PCDHGA5: variants seen among roughly 807,000 people sequenced by gnomAD.
PCDHGA5 encodes protocadherin gamma-A5.
PCDHGA5 carries 36 observed loss-of-function variants against 56.7 expected under a neutral mutation model. The observed-to-expected ratio is 0.64, with a 90% CI of 0.49 to 0.84. The LOEUF (loss-of-function observed/expected upper bound fraction) is 0.84. Ranked by LOEUF, PCDHGA5 falls within the 40% of genes least tolerant of loss-of-function variation. The probability of loss-of-function intolerance (pLI) is 0.00; values close to 1 mark genes in which losing one functional copy is unlikely to be tolerated. For synonymous variants in PCDHGA5, 563 were observed against 520.2 expected (o/e 1.08, Z -1.12); for missense variants, 1,305 against 1,201.5 (o/e 1.09, Z -1.27).
rs1187459113 is a variant in PCDHGA5 at position 141,487,187 on chromosome 5, G to A, written c.2422-7620G>A. On this transcript the variant is annotated intron_variant, in intron 1 of 3. Coordinates refer to ENST00000518069, the MANE Select transcript of PCDHGA5 (RefSeq NM_018918.3). This position sits in a 1 kb window ranked among gnomAD's most constrained non-coding sequence, Gnocchi z 5.0. The stretch of plus-strand genomic sequence containing the variant: ...GTCCTTAGAGGAAGACACTCATCCA[G>A]TTGTCCCAGATCTTCGAGAATCTTC... 1.2e-6 allele frequency: 2 copies of A among 1,613,826 alleles called. No homozygotes were observed. Among genetic ancestry groups the A allele is most frequent in the Admixed American group, 3.3e-5 (2 of 60,024 alleles).
chr5:141,376,293 G>C lies in PCDHGA5; in HGVS notation c.2421+9542G>C, dbSNP rs189836587. 8,405 of 1,614,188 alleles carry C rather than the reference G, an allele frequency of 5.2e-3. 27 individuals carry two copies. Among genetic ancestry groups the C allele is most frequent in the Non-Finnish European group, 6.0e-3 (7,034 of 1,180,042 alleles). On this transcript the variant is annotated intron_variant, in intron 1 of 3. Transcript: ENST00000518069. ...GGAGGTGGCTTAGCGAGCATGCCCG[G>C]CTCGCACTTTGTGGGCGTGGAAGGG...
intron 1 of PCDHGA5, among the ~76,000 whole-genome samples, chr5:141,467,008 A>AT (rs1165146249): frequency 6.7e-6 from 1 of 150,270 alleles, no homozygotes; most frequent in Non-Finnish European, 1.5e-5. Context: ...TTGCAATGCA[A>AT]TTTTTTTCCC....
rs202113404 is a variant in PCDHGA5, at chr5:141,414,779, A to G, written c.2421+48028A>G. The G allele has an allele frequency of 4.2e-4, 674 of 1,614,210 alleles. No homozygotes were observed. Among genetic ancestry groups the G allele is most frequent in the Admixed American group, 6.0e-4 (36 of 60,022 alleles). On this transcript the variant is annotated intron_variant, in intron 1 of 3. Transcript: ENST00000518069. ...GAGCAGTTTCATGAGCTACAGATGCAGGTGACAGCCAGCGACAGCGGGGAT... is the reference window on the plus strand; with the variant it reads ...GAGCAGTTTCATGAGCTACAGATGCGGGTGACAGCCAGCGACAGCGGGGAT...
In PCDHGA5 at chr5:141,476,599, TC is replaced by T; in HGVS notation, c.2422-18205del. The T allele has an allele frequency of 6.2e-7, 1 of 1,614,210 alleles. No individual in the cohort carries two copies. ...GCTTTCCGCTCGAGAGCGCGCACGA[TC>T]CCGATGTGGGAAGCAACTCTTTACA... is the stretch of plus-strand genomic sequence containing the variant. On this transcript the variant is annotated intron_variant, in intron 1 of 3. Transcript: ENST00000518069. This position sits in a 1 kb window ranked among gnomAD's most constrained non-coding sequence, Gnocchi z 7.6.
intron 2 of PCDHGA5, among the ~76,000 whole-genome samples, chr5:141,499,796 C>T (rs2099794539): frequency 6.6e-6 from 1 of 150,412 alleles, no homozygotes; most frequent in South Asian, 2.1e-4. Context: ...AAGCAATTCT[C>T]ATGCTTCAGC....
chr5:141,400,281 C>G, intron 1 of PCDHGA5: 5 of 1,614,016 alleles, frequency 3.1e-6, no homozygotes, highest in Non-Finnish European at 4.2e-6. Context: ...CCAGCCCTGC[C>G]GCCTGGAGCT....
At chr5:141,408,220 G>C (rs2095061412) in intron 1 of PCDHGA5, 1 of 1,558,876 alleles carries the variant, frequency 6.4e-7, no homozygotes, top group Non-Finnish European at 8.7e-7. Flanking sequence ...GGAGCTGCGC[G>C]CAGAGGCGCC....
chr5:141,406,662 AT>A (rs2094837131), intron 1 of PCDHGA5, among the ~76,000 whole-genome samples: 1 of 152,208 alleles, frequency 6.6e-6, no homozygotes, highest in African/African-American at 2.4e-5. Flanking sequence ...TTAATGTTAA[AT>A]TATGGAGAAT....
intron 1 of PCDHGA5, among the ~76,000 whole-genome samples, chr5:141,433,995 CT>C (rs2097669147): frequency 2.6e-5 from 4 of 152,028 alleles, no homozygotes; most frequent in Admixed American, 2.0e-4. Flanking sequence ...GTTTTATATT[CT>C]CTATATATGT....
intron 1 of PCDHGA5, among the ~76,000 whole-genome samples, chr5:141,466,800 C>T (rs189985735): frequency 6.6e-6 from 1 of 152,240 alleles, no homozygotes; most frequent in East Asian, 1.9e-4. Context: ...AAACTAGATC[C>T]TATTCAGACA....
At chr5:141,390,012 G>A (rs370865188) in intron 1 of PCDHGA5, 2 of 1,614,034 alleles carry the variant, frequency 1.2e-6, no homozygotes, top group South Asian at 2.2e-5. Context: ...TCTGGCCATT[G>A]CCTTGCGCCT....
rs563057370 is a variant in PCDHGA5 at position 141,491,297 on chromosome 5, A to G, written c.2422-3510A>G. 1.2e-6 allele frequency: 2 copies of G among 1,614,106 alleles called. No homozygotes were observed. Among genetic ancestry groups the G allele is most frequent in the African/African-American group, 2.7e-5 (2 of 75,038 alleles). On this transcript the variant is annotated intron_variant, in intron 1 of 3. Transcript: ENST00000518069. This position sits in a 1 kb window ranked among gnomAD's most constrained non-coding sequence, Gnocchi z 6.9. The stretch of plus-strand genomic sequence containing the variant: ...AGTGACTTCCTCATACACCCTCCTG[A>G]GCGTTCAGACCTTACCCTTTACCTC...
rs764039295 is a variant in PCDHGA5 at position 141,374,747 on chromosome 5, C to T, written c.2421+7996C>T. The T allele has an allele frequency of 3.7e-6, 6 of 1,612,022 alleles. No homozygotes were observed. Among genetic ancestry groups the T allele is most frequent in the East Asian group, 4.5e-5 (2 of 44,822 alleles). On this transcript the variant is annotated intron_variant, in intron 1 of 3. Transcript: ENST00000518069. ...TGCCATGGATGGCGGCGACCCTGTC[C>T]GCTCAAGCGTCGCCCAAATTCTGGT... is the stretch of plus-strand genomic sequence containing the variant.
chr5:141,428,200 G>A (rs1000165985), intron 1 of PCDHGA5: 3 of 1,363,858 alleles, frequency 2.2e-6, no homozygotes, highest in East Asian at 2.3e-5. Flanking sequence ...TCTCTGCGCC[G>A]CTACGCTTCA....
At chr5:141,422,141 G>A (rs1441509284) in intron 1 of PCDHGA5, 9 of 1,583,068 alleles carry the variant, frequency 5.7e-6, no homozygotes, top group Middle Eastern at 1.7e-4. Context: ...GTTCAAGTAC[G>A]GGGGTCTCTG....
chr5:141,394,132 T>C, intron 1 of PCDHGA5: 1 of 1,613,980 alleles, frequency 6.2e-7, no homozygotes, highest in Non-Finnish European at 8.5e-7. Flanking sequence ...CAAATCGCTC[T>C]GCACGTGGCA....
At chr5:141,435,503 A>G (rs2097767522) in intron 1 of PCDHGA5, among the ~76,000 whole-genome samples, 1 of 152,170 alleles carries the variant, frequency 6.6e-6, no homozygotes, top group Non-Finnish European at 1.5e-5. Context: ...TACACTAATG[A>G]TACTAATGAT....
intron 1 of PCDHGA5, chr5:141,383,685 C>T: frequency 3.1e-6 from 5 of 1,614,018 alleles, no homozygotes; most frequent in Non-Finnish European, 4.2e-6. Context: ...CAAGACTGCT[C>T]ACGGTACATG....
rs569362520 is a variant in PCDHGA5 at position 141,415,063 on chromosome 5, G to T, written c.2421+48312G>T. ...CGCGGTGGGGGAGCACACGGGCGAG[G>T]TGCGCACGGCGCGAGCCCTGCTGGA... On this transcript the variant is annotated intron_variant, in intron 1 of 3. Coordinates refer to ENST00000518069, the MANE Select transcript of PCDHGA5 (RefSeq NM_018918.3). The T allele has an allele frequency of 3.1e-6, 5 of 1,613,432 alleles. No individual in the cohort carries two copies. The highest frequency in any genetic ancestry group is 3.3e-5 in the Admixed American group (2 of 60,008).
Sources: allele counts gnomAD v4.1 joint callset (sites outside exome capture counted in the v4.1 genomes callset), GRCh38; gene constraint gnomAD v4.1.1; non-coding constraint Gnocchi (gnomAD v3.1); transcripts MANE v1.5; gene names NCBI Gene and HGNC (gene_info 2026-07-23, HGNC 2026-07-21).